The following RFT1 variants were observed in gnomAD, a reference collection of about 807,000 sequenced individuals.
The protein encoded by RFT1 is man(5)GlcNAc(2)-PP-dolichol translocation protein RFT1.
A neutral mutation model predicts 62.2 loss-of-function variants in RFT1; 43 were observed. The ratio of observed to expected loss-of-function variants is 0.69; its 90% confidence interval spans 0.54 to 0.89. The LOEUF is 0.89. Among genes scored for constraint, RFT1 ranks in the 40% least tolerant of loss-of-function variants. The pLI is 0.00. For missense variants in RFT1, 605 were observed against 649.9 expected (o/e 0.93, Z 0.75); for synonymous variants, 262 against 264.6 (o/e 0.99, Z 0.10).
rs1700906904 is a variant in RFT1 at position 53,088,533 on chromosome 3, G to A, written c.*3370C>T. The stretch of plus-strand genomic sequence containing the variant: ...TTATTTCTTATTAAACCAGGGGACT[G>A]ATGTGAAACTAGCAACAGGAATGCA... On this transcript the variant is annotated 3_prime_UTR_variant, in exon 13 of 13. Transcript: ENST00000296292. 6.6e-6 allele frequency: 1 copy of A among 152,194 alleles called. No individual in the cohort carries two copies. Among genetic ancestry groups the A allele is most frequent in the African/African-American group, 2.4e-5 (1 of 41,440 alleles). The allele number at this position is 152,194 out of a possible 1,614,324, so 9.4% of individuals were successfully genotyped here. A position where few individuals can be genotyped will look rare whatever the true frequency, so the allele number is the denominator to read the frequency against.
At chr3:53,081,682 T>A in the RFT1 span, among the ~76,000 whole-genome samples, 1 of 152,306 alleles carries the variant, frequency 6.6e-6, no homozygotes, top group African/African-American at 2.4e-5. Flanking sequence ...TTGGTGGTGC[T>A]GCCCAGGGTC....
intron 10 of RFT1, among the ~76,000 whole-genome samples, chr3:53,102,341 CTG>C (rs1334314472): frequency 6.6e-6 from 1 of 152,206 alleles, no homozygotes; most frequent in Admixed American, 6.5e-5. Flanking sequence ...GCCACGCAGT[CTG>C]TGGTACTTTG....
At chr3:53,124,598 G>C (rs1284933473) in intron 2 of RFT1, among the ~76,000 whole-genome samples, 1 of 152,172 alleles carries the variant, frequency 6.6e-6, no homozygotes, top group Non-Finnish European at 1.5e-5. Flanking sequence ...GCCAATCTCA[G>C]GAAGGCTGCC....
At chr3:53,103,447 T>C (rs1262502167) in intron 10 of RFT1, 1 of 174,738 alleles carries the variant, frequency 5.7e-6, no homozygotes, top group Non-Finnish European at 1.2e-5. Context: ...CTTCAAAAAC[T>C]GAGAGTCACT....
At chr3:53,124,145 G>C (rs1702046257) in intron 2 of RFT1, among the ~76,000 whole-genome samples, 1 of 152,230 alleles carries the variant, frequency 6.6e-6, no homozygotes, top group Non-Finnish European at 1.5e-5. Context: ...ATGACCATAA[G>C]GAGGAGAAGA....
At chr3:53,115,266 TA>T (rs1360297090) in intron 6 of RFT1, among the ~76,000 whole-genome samples, 1 of 152,156 alleles carries the variant, frequency 6.6e-6, no homozygotes, top group Non-Finnish European at 1.5e-5. Context: ...ACAAGATACT[TA>T]ATTTTGCTAA....
the RFT1 span, among the ~76,000 whole-genome samples, chr3:53,067,093 C>T: frequency 9.0e-4 from 137 of 152,284 alleles, no homozygotes; most frequent in African/African-American, 3.2e-3. Flanking sequence ...TTTGGGAGGC[C>T]GAGGCGGGCG....
chr3:53,092,332 G>T, intron 12 of RFT1, 37 bp downstream of exon 12: 1 of 1,581,496 alleles, frequency 6.3e-7, no homozygotes, highest in Admixed American at 1.9e-5. Context: ...CGGGGCAGCT[G>T]CAGAAGCATG....
At chr3:53,094,351 G>GCGCA (rs1295227195) in intron 11 of RFT1, among the ~76,000 whole-genome samples, 20 of 149,918 alleles carry the variant, frequency 1.3e-4, no homozygotes, top group Admixed American at 1.0e-3. Context: ...AATACTACAC[G>GCGCA]CACACACACA....
At position 53,100,682 on chromosome 3, in the gene RFT1, G is replaced by A. The variant is rs181429949; in HGVS notation, c.1103-1196C>T. ...TGCCAAATGCAAGAGCGCACATGCT[G>A]CATTTCATTGATATAAAATTACTTT... On this transcript the variant is annotated intron_variant, in intron 10 of 12. Coordinates refer to ENST00000296292, the MANE Select transcript of RFT1 (RefSeq NM_052859.4). Among the ~76,000 whole-genome samples, 1,650 of 152,252 alleles carry A rather than the reference G, an allele frequency of 0.011. 68 individuals are homozygous for A. In the South Asian group the frequency reaches 0.11, roughly 10 times the overall value.
In RFT1 at chr3:53,091,977, G is replaced by C. The variant is rs1701002580; in HGVS notation, c.1552C>G (p.Leu518Val). ...CLGATLGTAF[L>V]TETKLIHFLR... ...AAATGGATCAGCTTGGTCTCTGTGA[G>C]GAATGCTGTCCCGAGAGTTGCTCCC... The change falls in exon 13 of 13, where the codon CTC becomes GTC. Residue 518 changes from leucine to valine, a missense_variant. Leu to Val is a conservative substitution (Grantham distance 32, BLOSUM62 1). Transcript: ENST00000296292. 6.2e-7 allele frequency: 1 copy of C among 1,614,266 alleles called. No homozygotes were observed. Among genetic ancestry groups the C allele is most frequent in the Non-Finnish European group, 8.5e-7 (1 of 1,180,048 alleles).
At chr3:53,073,280 C>G in the RFT1 span, among the ~76,000 whole-genome samples, 1 of 152,256 alleles carries the variant, frequency 6.6e-6, no homozygotes, top group African/African-American at 2.4e-5. Context: ...CCTCTGCCGT[C>G]AGACTGCGCA....
chr3:53,119,405 G>T (rs1701903564), intron 6 of RFT1, among the ~76,000 whole-genome samples: 2 of 152,200 alleles, frequency 1.3e-5, no homozygotes, highest in Admixed American at 6.5e-5. Context: ...CCTAGGACAG[G>T]TATTTATTCA....
the RFT1 span, among the ~76,000 whole-genome samples, chr3:53,069,901 T>C: frequency 1.3e-5 from 2 of 152,150 alleles, no homozygotes; most frequent in Admixed American, 6.5e-5. Flanking sequence ...TTACAAGGAC[T>C]GAGGAGGGAA....
the RFT1 span, among the ~76,000 whole-genome samples, chr3:53,066,953 C>G: frequency 1.3e-5 from 2 of 152,204 alleles, no homozygotes; most frequent in Non-Finnish European, 2.9e-5. Context: ...TGTGGCCTAT[C>G]CATCCATACA....
chr3:53,130,306 G>A lies in RFT1; in HGVS notation c.63+32C>T, dbSNP rs889740135. On this transcript the variant is annotated intron_variant, in intron 1 of 12. Coordinates refer to ENST00000296292, the MANE Select transcript of RFT1 (RefSeq NM_052859.4). ...TGCCATCCCGCGAATCCCGGCTGCA[G>A]TACAAGCTGGAACCTGAAGGGCAGA... The A allele has an allele frequency of 2.6e-6, 4 of 1,553,728 alleles. No homozygotes were observed. The African/African-American group carries it at 5.5e-5, about 21-fold the overall frequency.
At chr3:53,119,025 A>G (rs1701891177) in intron 6 of RFT1, among the ~76,000 whole-genome samples, 1 of 151,460 alleles carries the variant, frequency 6.6e-6, no homozygotes, top group Admixed American at 6.6e-5. Context: ...AGCCTGGACA[A>G]CATAGTGAGA....
At chr3:53,119,716 C>T (rs1206297374) in intron 6 of RFT1, among the ~76,000 whole-genome samples, 168 bp downstream of exon 6, 2 of 152,212 alleles carry the variant, frequency 1.3e-5, no homozygotes, top group Admixed American at 6.5e-5. Context: ...AAAATGTCCA[C>T]AGTGCAAAGA....
chr3:53,106,151 C>A (rs1701466360), intron 8 of RFT1, among the ~76,000 whole-genome samples: 2 of 151,978 alleles, frequency 1.3e-5, no homozygotes, highest in East Asian at 3.9e-4. Flanking sequence ...GAGGATCACC[C>A]AAGCCCAGGA....
Sources: allele counts gnomAD v4.1 joint callset (sites outside exome capture counted in the v4.1 genomes callset), GRCh38; gene constraint gnomAD v4.1.1; transcripts MANE v1.5; gene names NCBI Gene and HGNC (gene_info 2026-07-23, HGNC 2026-07-21).